The following LRRC1 variants were observed in gnomAD, a reference collection of about 807,000 sequenced individuals.
The protein encoded by LRRC1 is leucine rich repeat containing 1.
Under a neutral mutation model 69.9 loss-of-function variants are expected in LRRC1, and 28 were observed. That is an observed-to-expected ratio of 0.40 (90% CI 0.30 to 0.55). LRRC1 has a LOEUF of 0.55. Ranked by LOEUF, LRRC1 falls within the 20% of genes least tolerant of loss-of-function variation. The pLI is 0.47. For missense variants in LRRC1, 498 were observed against 609.0 expected (o/e 0.82, Z 1.92); for synonymous variants, 236 against 240.2 (o/e 0.98, Z 0.16).
intron 2 of LRRC1, among the ~76,000 whole-genome samples, chr6:53,842,758 A>G (rs1765830194): frequency 6.6e-6 from 1 of 152,162 alleles, no homozygotes; most frequent in East Asian, 1.9e-4. Flanking sequence ...CCTGTAGTGA[A>G]CAGACCTGCT....
At chr6:53,862,171 T>G (rs1331985269) in intron 2 of LRRC1, among the ~76,000 whole-genome samples, 1 of 152,186 alleles carries the variant, frequency 6.6e-6, no homozygotes, top group Non-Finnish European at 1.5e-5. Flanking sequence ...TAAATGGGAA[T>G]GATTAAAATG....
intron 11 of LRRC1, among the ~76,000 whole-genome samples, chr6:53,915,559 G>T (rs1768537097): frequency 6.6e-6 from 1 of 152,122 alleles, no homozygotes. Flanking sequence ...GCTGGTTCTT[G>T]CCACACTACT....
At chr6:53,906,697 A>G (rs1416924237) in intron 10 of LRRC1, among the ~76,000 whole-genome samples, 1 of 152,264 alleles carries the variant, frequency 6.6e-6, no homozygotes, top group Non-Finnish European at 1.5e-5. Context: ...CATGACGTGA[A>G]AAGTGAAAAT....
Position 53,922,520 on chromosome 6 carries a change from T to TTAAC in LRRC1, c.1417-112_1417-111insCTAA, listed in dbSNP as rs139962179. 2.9e-3 allele frequency: 2,710 copies of TTAAC among 933,114 alleles called. 43 individuals are homozygous for TTAAC. In the East Asian group the frequency reaches 0.032, roughly 11 times the overall value. 57.8% of individuals were successfully genotyped at this position (933,114 alleles called of 1,614,324 possible). A position where few individuals can be genotyped will look rare whatever the true frequency, so the allele number is the denominator to read the frequency against. On this transcript the variant is annotated intron_variant, in intron 13 of 13. Transcript: ENST00000370888. ...TCCAAAGAAAGCTTTTCCACCCATT[T>TTAAC]TAAGAATTTCTAAGAAGGTAACATT...
At chr6:53,839,966 C>T (rs1398466433) in intron 1 of LRRC1, among the ~76,000 whole-genome samples, 1 of 152,108 alleles carries the variant, frequency 6.6e-6, no homozygotes, top group Non-Finnish European at 1.5e-5. Flanking sequence ...TCAAAACCTC[C>T]CTCTGGGAGC....
At chr6:53,816,801 TACTTTC>T (rs1764963384) in intron 1 of LRRC1, among the ~76,000 whole-genome samples, 1 of 152,246 alleles carries the variant, frequency 6.6e-6, no homozygotes, top group Admixed American at 6.5e-5. Flanking sequence ...AACTTGTGAA[TACTTTC>T]GTATATGCCG....
chr6:53,795,117 C>T lies in LRRC1; in HGVS notation c.-140C>T. ...TTGAAGCACTTCCGACCGCGAAGCC[C>T]GGCGCGAGAAGCGAGCTAACCCAAG... On this transcript the variant is annotated 5_prime_UTR_variant, in exon 1 of 14. Transcript: ENST00000370888. 4 of 739,792 alleles carry T rather than the reference C, an allele frequency of 5.4e-6. No homozygotes were observed. Among genetic ancestry groups the T allele is most frequent in the Non-Finnish European group, 8.3e-6 (4 of 481,852 alleles). The allele number at this position is 739,792 out of a possible 1,614,324, so 45.8% of individuals were successfully genotyped here. A position where few individuals can be genotyped will look rare whatever the true frequency, so the allele number is the denominator to read the frequency against.
chr6:53,905,205 G>A, intron 10 of LRRC1: 1 of 152,330 alleles, frequency 6.6e-6, no homozygotes, highest in Non-Finnish European at 1.5e-5. Flanking sequence ...GTGGTGGCGG[G>A]CGCCTGTAGT....
chr6:53,884,685 C>T (rs984709540), intron 4 of LRRC1, among the ~76,000 whole-genome samples: 1 of 151,994 alleles, frequency 6.6e-6, no homozygotes. Context: ...CCTCTGATTC[C>T]TACCCCTCTC....
chr6:53,874,196 G>C (rs1363754081), intron 2 of LRRC1, among the ~76,000 whole-genome samples: 1 of 152,144 alleles, frequency 6.6e-6, no homozygotes, highest in Non-Finnish European at 1.5e-5. Context: ...CTGAGCCTTA[G>C]TGTCCATTTT....
At chr6:53,844,117 C>T (rs2127416931) in intron 2 of LRRC1, among the ~76,000 whole-genome samples, 1 of 152,174 alleles carries the variant, frequency 6.6e-6, no homozygotes, top group African/African-American at 2.4e-5. Flanking sequence ...CATCTGGGGT[C>T]TGGCCAGGCC....
intron 1 of LRRC1, among the ~76,000 whole-genome samples, chr6:53,830,296 CAGAA>C (rs1765390627): frequency 6.6e-6 from 1 of 152,164 alleles, no homozygotes; most frequent in African/African-American, 2.4e-5. Context: ...CTTTTCTTGT[CAGAA>C]AGAAAGCAGA....
chr6:53,811,889 T>A (rs1270533135), intron 1 of LRRC1, among the ~76,000 whole-genome samples: 1 of 152,248 alleles, frequency 6.6e-6, no homozygotes, highest in South Asian at 2.1e-4. Flanking sequence ...ATGCAGTGAA[T>A]GCATATTGAT....
intron 4 of LRRC1, among the ~76,000 whole-genome samples, chr6:53,894,444 A>G (rs1562063588): frequency 6.6e-6 from 1 of 152,214 alleles, no homozygotes; most frequent in African/African-American, 2.4e-5. Context: ...GCTTTGCAAG[A>G]TGCTTTCAGT....
chr6:53,821,709 G>GT (rs1394723217), intron 1 of LRRC1, among the ~76,000 whole-genome samples: 16 of 152,200 alleles, frequency 1.1e-4, no homozygotes, highest in African/African-American at 3.4e-4. Context: ...CCAGATTATT[G>GT]TTCTCTGTTA....
chr6:53,906,328 G>C (rs1581914496), intron 10 of LRRC1, among the ~76,000 whole-genome samples: 3 of 152,154 alleles, frequency 2.0e-5, no homozygotes, highest in Admixed American at 2.0e-4. Context: ...CTTGAGGTAG[G>C]GCAAGCCCCT....
intron 3 of LRRC1, among the ~76,000 whole-genome samples, 188 bp from the exon 4 acceptor site, chr6:53,882,699 A>T (rs1767338495): frequency 1.3e-5 from 2 of 152,204 alleles, no homozygotes. Flanking sequence ...TATTATGTAT[A>T]CGAAGTCTTG....
intron 13 of LRRC1, 114 bp downstream of exon 13, chr6:53,920,875 G>A (rs1303943232): frequency 1.3e-5 from 16 of 1,222,476 alleles, no homozygotes; most frequent in African/African-American, 1.5e-5. Flanking sequence ...TTTGCCTTCA[G>A]CATTTAGGAA....
At chr6:53,902,001 A>T (rs534477610) in intron 8 of LRRC1, among the ~76,000 whole-genome samples, 5 of 152,338 alleles carry the variant, frequency 3.3e-5, no homozygotes, top group African/African-American at 1.2e-4. Flanking sequence ...GCTTAATCCC[A>T]TGACTTGTTG....
Sources: gnomAD v4.1 joint callset for allele counts (sites outside exome capture counted in the v4.1 genomes callset) on GRCh38, gnomAD v4.1.1 for gene constraint, MANE v1.5 for transcripts, NCBI Gene and HGNC (gene_info 2026-07-23, HGNC 2026-07-21) for gene names.